The following CRYBG3 variants were observed in gnomAD, a reference collection of about 807,000 sequenced individuals.
The protein encoded by CRYBG3 is very large A-kinase anchor protein.
A neutral mutation model predicts 244.2 loss-of-function variants in CRYBG3; 127 were observed. The ratio of observed to expected loss-of-function variants is 0.52; its 90% CI spans 0.45 to 0.60. The LOEUF is 0.60. CRYBG3 is among the 20% of genes least tolerant of loss of function. The pLI is 0.00. For synonymous variants in CRYBG3, 1,132 were observed against 1,195.8 expected, an observed-to-expected ratio of 0.95 and a Z score of 1.10; for missense variants, 3,325 against 3,442.5, an observed-to-expected ratio of 0.97 and a Z score of 0.85.
chr3:97,902,950 T>C (rs142921293), intron 15 of CRYBG3, among the ~76,000 whole-genome samples: 1,633 of 152,324 alleles, frequency 0.011, 15 homozygotes, highest in Middle Eastern at 0.02. Flanking sequence ...TTAAATCTTA[T>C]AACAGTGAAT....
chr3:97,853,386 A>G (rs1307570857), intron 2 of CRYBG3, among the ~76,000 whole-genome samples: 2 of 139,966 alleles, frequency 1.4e-5, no homozygotes, highest in African/African-American at 5.3e-5. Flanking sequence ...ATGTACACAC[A>G]GACACACACA....
At position 97,896,044 on chromosome 3, in the gene CRYBG3, G is replaced by A. The variant is rs774083904; in HGVS notation, c.7660G>A (p.Ala2554Thr). The change falls in exon 12 of 22, where the codon GCA becomes ACA. Residue 2554 changes from alanine (A) to threonine (T), a missense_variant. Physicochemically the swap from Ala to Thr is moderately conservative, Grantham distance 58. Coordinates refer to ENST00000389622, the MANE Select transcript of CRYBG3 (RefSeq NM_153605.4). ...CTTTGAAGACAGTAATGCTTGTGGT[G>A]CATTAAGTAGCCCTATCTTGTCTTT... Reference protein sequence around the residue: ...GDFEDSNACGALSSPILSFRY... With the variant: ...GDFEDSNACGTLSSPILSFRY... 1.9e-6 allele frequency: 3 copies of A among 1,612,690 alleles called. No homozygotes were observed. Among genetic ancestry groups the A allele is most frequent in the South Asian group, 2.2e-5 (2 of 90,856 alleles).
At chr3:97,924,291 A>C (rs551630547) in intron 17 of CRYBG3, 5 of 367,170 alleles carry the variant, frequency 1.4e-5, no homozygotes, top group Non-Finnish European at 2.6e-5. Context: ...ATGGATTAAT[A>C]ACAAGCTAAA....
rs189375332 is a variant in CRYBG3, at chr3:97,877,514, A to G, written c.6320A>G (p.His2107Arg). 157 of 1,614,176 alleles carry G rather than the reference A, an allele frequency of 9.7e-5. No individual in the cohort carries two copies. In the African/African-American group the frequency reaches 1.8e-3, roughly 19 times the overall value. The change falls in exon 4 of 22, where the codon CAC becomes CGC. Residue 2107 changes from histidine (H) to arginine (R), a missense_variant. Physicochemically the swap from His to Arg is conservative, Grantham distance 29. This residue lies in a region of CRYBG3 where 450 missense variants were observed against 424.1 expected (regional missense o/e 1.06). Transcript: ENST00000389622. The part of the protein sequence containing the change: ...DILSSEVSPG[H>R]HGPRKSRDSE... ...CTATCTAGTGAGGTTTCACCTGGTC[A>G]CCATGGCCCCAGGAAATCAAGAGAC... is the stretch of plus-strand genomic sequence containing the variant.
At chr3:97,855,659 A>G (rs2039053191) in intron 2 of CRYBG3, among the ~76,000 whole-genome samples, 1 of 152,158 alleles carries the variant, frequency 6.6e-6, no homozygotes, top group Admixed American at 6.5e-5. Flanking sequence ...TGAGAAATAA[A>G]GGGACAGAGT....
intron 16 of CRYBG3, among the ~76,000 whole-genome samples, chr3:97,915,393 G>A (rs2039916306): frequency 6.6e-6 from 1 of 152,102 alleles, no homozygotes; most frequent in Admixed American, 6.6e-5. Context: ...CCATGAAATA[G>A]TATATGTAAA....
chr3:97,870,405 C>G (rs1225727321), intron 3 of CRYBG3, among the ~76,000 whole-genome samples: 1 of 152,090 alleles, frequency 6.6e-6, no homozygotes, highest in Non-Finnish European at 1.5e-5. Flanking sequence ...TTTGGTTTTC[C>G]TGTGTTAATT....
intron 18 of CRYBG3, among the ~76,000 whole-genome samples, chr3:97,934,472 T>G (rs1277225551): frequency 6.6e-6 from 1 of 151,988 alleles, no homozygotes; most frequent in Non-Finnish European, 1.5e-5. Flanking sequence ...CAGCCCCTAC[T>G]CCTGCACTGT....
intron 1 of CRYBG3, among the ~76,000 whole-genome samples, chr3:97,831,354 G>A (rs1314691935): frequency 6.6e-6 from 1 of 152,128 alleles, no homozygotes; most frequent in African/African-American, 2.4e-5. Flanking sequence ...GGGACTAGAG[G>A]TAATTGTTTT....
chr3:97,871,816 G>A, intron 3 of CRYBG3, 26 bp from the exon 4 acceptor site: 1 of 1,425,562 alleles, frequency 7.0e-7, no homozygotes, highest in South Asian at 1.5e-5. Flanking sequence ...TATATTTCCT[G>A]ATACTCTCAT....
At chr3:97,933,624 C>T in intron 17 of CRYBG3, 70 bp from the exon 18 acceptor site, 1 of 1,481,860 alleles carries the variant, frequency 6.7e-7, no homozygotes, top group Non-Finnish European at 9.4e-7. Flanking sequence ...TCAGGGTACC[C>T]TGTGTTCAGA....
At chr3:97,893,135 GTTAC>G in intron 11 of CRYBG3, 142 bp downstream of exon 11, 1 of 687,202 alleles carries the variant, frequency 1.5e-6, no homozygotes. Context: ...AAAAATATTA[GTTAC>G]TTATGGTTTT....
chr3:97,875,394 C>A lies in CRYBG3; in HGVS notation c.4200C>A (p.Leu1400=). The change falls in exon 4 of 22, where the codon CTC becomes CTA. Residue 1400 remains leucine (L), a synonymous_variant. Transcript: ENST00000389622. Reference sequence around the variant, plus strand: ...CAATTAAGGGAGGAGAAATTGTTCTCTACCAAAAATCCCTATTTTCTGGAA... The same window carrying A: ...CAATTAAGGGAGGAGAAATTGTTCTATACCAAAAATCCCTATTTTCTGGAA... ...TESIKGGEIV[L]YQKSLFSGNG... is the part of the protein sequence containing the mutation. 1 of 1,406,082 alleles carries A rather than the reference C, an allele frequency of 7.1e-7. No homozygotes were observed. The highest frequency in any genetic ancestry group is 9.2e-7 in the Non-Finnish European group (1 of 1,088,258). 87.1% of individuals were successfully genotyped at this position (1,406,082 alleles called of 1,614,324 possible).
At chr3:97,887,624 C>T (rs574138182) in intron 8 of CRYBG3, among the ~76,000 whole-genome samples, 4 of 152,200 alleles carry the variant, frequency 2.6e-5, no homozygotes, top group East Asian at 3.9e-4. Flanking sequence ...GGCATGGTGG[C>T]GCATTCCTGT....
Position 97,934,825 on chromosome 3 carries a change from C to A in CRYBG3, c.8381+992C>A, listed in dbSNP as rs922238259. Among the ~76,000 whole-genome samples, 4 of 152,172 alleles carry A rather than the reference C, an allele frequency of 2.6e-5. 1 individual carries two copies. Among genetic ancestry groups the A allele is most frequent in the Admixed American group, 2.0e-4 (3 of 15,280 alleles). Reference sequence around the variant, plus strand: ...TTTACCAATTAACTAAATTTTACATCCCTGTGATATAGGTCTTTCACAACA... The same window carrying A: ...TTTACCAATTAACTAAATTTTACATACCTGTGATATAGGTCTTTCACAACA... On this transcript the variant is annotated intron_variant, in intron 18 of 21. Transcript: ENST00000389622.
At chr3:97,899,116 T>A in intron 13 of CRYBG3, 21 bp from the exon 14 acceptor site, 1 of 1,598,994 alleles carries the variant, frequency 6.3e-7, no homozygotes, top group African/African-American at 1.4e-5. Flanking sequence ...ATTTTTTTGT[T>A]TTTTCTTTTT....
intron 15 of CRYBG3, among the ~76,000 whole-genome samples, chr3:97,908,705 T>C (rs2039809325): frequency 6.6e-6 from 1 of 152,218 alleles, no homozygotes; most frequent in Non-Finnish European, 1.5e-5. Context: ...TTATCCAATT[T>C]GCCAGTCTGT....
intron 17 of CRYBG3, among the ~76,000 whole-genome samples, chr3:97,919,915 A>G (rs2039965882): frequency 6.6e-6 from 1 of 151,966 alleles, no homozygotes; most frequent in Non-Finnish European, 1.5e-5. Flanking sequence ...ACAGGTGTGC[A>G]CCACCATGTC....
At chr3:97,882,272 G>C (rs1189942768) in intron 7 of CRYBG3, among the ~76,000 whole-genome samples, 2 of 151,962 alleles carry the variant, frequency 1.3e-5, no homozygotes, top group Non-Finnish European at 2.9e-5. Flanking sequence ...AGTATACACT[G>C]TTCCTAATTA....
Sources: gnomAD v4.1 joint callset for allele counts (sites outside exome capture counted in the v4.1 genomes callset) on GRCh38, gnomAD v4.1.1 for gene constraint, gnomAD v4.1.1 regional missense constraint, MANE v1.5 for transcripts, NCBI Gene and HGNC (gene_info 2026-07-23, HGNC 2026-07-21) for gene names.